The following CCDC86 variants were observed in gnomAD, a reference collection of about 807,000 sequenced individuals.
CCDC86 encodes the protein coiled-coil domain containing 86.
CCDC86 carries 28 observed loss-of-function variants against 36.7 expected under a neutral mutation model. The observed-to-expected ratio is 0.76, with a 90% CI of 0.57 to 1.05. The LOEUF is 1.05. Among genes scored for constraint, CCDC86 ranks in the 50% least tolerant of loss-of-function variants. The pLI, the probability that CCDC86 is intolerant of heterozygous loss-of-function variation, is 0.00. For missense variants in CCDC86, 453 were observed against 470.2 expected, an observed-to-expected ratio of 0.96 and a Z score of 0.34; for synonymous variants, 199 against 203.4, an observed-to-expected ratio of 0.98 and a Z score of 0.18.
intron 1 of CCDC86, among the ~76,000 whole-genome samples, chr11:60,843,593 A>G (rs1273632807): frequency 1.3e-5 from 2 of 152,232 alleles, no homozygotes; most frequent in African/African-American, 4.8e-5. Context: ...GGCAGGCACG[A>G]GATCTTTCTT....
intron 1 of CCDC86, among the ~76,000 whole-genome samples, chr11:60,847,069 CT>C (rs1007642059): frequency 4.6e-5 from 7 of 151,496 alleles, no homozygotes; most frequent in African/African-American, 1.5e-4. Flanking sequence ...GGAAGAGATT[CT>C]TTTTCTTTTT....
At chr11:60,849,272 T>A (rs1855223107) in intron 2 of CCDC86, among the ~76,000 whole-genome samples, 1 of 152,224 alleles carries the variant, frequency 6.6e-6, no homozygotes, top group African/African-American at 2.4e-5. Context: ...CTGCTCCAAG[T>A]CCTGCACGTG....
At position 60,850,580 on chromosome 11, in the gene CCDC86, CCTT is replaced by C. The variant is rs751367318; in HGVS notation, c.*258_*260del. ...TTCAGCTCCCATCCCTCCTTCCTCTCCTTCTCCAAGTGCCTTCAAACCAAGAAC... is the reference window on the plus strand; with the variant it reads ...TTCAGCTCCCATCCCTCCTTCCTCTCCTCCAAGTGCCTTCAAACCAAGAAC... On this transcript the variant is annotated 3_prime_UTR_variant, in exon 4 of 4. Transcript: ENST00000227520. 6 of 505,552 alleles carry C rather than the reference CCTT, an allele frequency of 1.2e-5. No individual in the cohort carries two copies. Among genetic ancestry groups the C allele is most frequent in the Non-Finnish European group, 2.1e-5 (6 of 285,294 alleles). The allele number at this position is 505,552 out of a possible 1,614,324, so 31.3% of individuals were successfully genotyped here.
chr11:60,848,146 G>C, intron 2 of CCDC86, 93 bp downstream of exon 2: 1 of 1,458,476 alleles, frequency 6.9e-7, no homozygotes, highest in East Asian at 2.5e-5. Flanking sequence ...CGGGTGCCTG[G>C]GGGAGGCCGA....
intron 2 of CCDC86, among the ~76,000 whole-genome samples, chr11:60,848,259 G>A (rs1855212661): frequency 7.0e-6 from 1 of 143,638 alleles, no homozygotes; most frequent in Non-Finnish European, 1.5e-5. Context: ...AGGCCCAGGG[G>A]ACCATACAGT....
rs542386913 is a variant in CCDC86 at position 60,845,007 on chromosome 11, G to A, written c.758+2125G>A. Among the ~76,000 whole-genome samples the A allele has an allele frequency of 6.6e-5, 10 of 152,350 alleles. No homozygotes were observed. The East Asian group carries it at 1.9e-3, about 29-fold the overall frequency. ...AAAGACTTCAAAGAAAAATAAACCA[G>A]GATGGGGACCAGAGAATAACAGGGA... On this transcript the variant is annotated intron_variant, in intron 1 of 3. Transcript: ENST00000227520.
rs1203218608 is a variant in CCDC86, at chr11:60,842,880, A to T, written c.756A>T (p.Lys252Asn). 1.9e-6 allele frequency: 3 copies of T among 1,559,626 alleles called. No individual in the cohort carries two copies. The South Asian group carries it at 3.6e-5, about 19-fold the overall frequency. Reference sequence around the variant, plus strand: ...GAGTGTGGAAGGACCGCTCCAAGAAAAGGTGAAGTGGGGGACAGCATGGAC... The same window carrying T: ...GAGTGTGGAAGGACCGCTCCAAGAATAGGTGAAGTGGGGGACAGCATGGAC... ...SGRVWKDRSK[K>N]RFSQMLQDKP... Residue 252 changes from lysine to asparagine, a missense_variant and splice_region_variant, in exon 1 of 4, where the codon AAA (lysine) becomes AAT (asparagine). Lys to Asn is a moderately conservative substitution (Grantham distance 94, BLOSUM62 0). Transcript: ENST00000227520.
In CCDC86 at chr11:60,842,615, A is replaced by G; in HGVS notation, c.491A>G (p.Tyr164Cys). The G allele has an allele frequency of 6.2e-7, 1 of 1,613,496 alleles. No individual in the cohort carries two copies. Among genetic ancestry groups the G allele is most frequent in the East Asian group, 2.2e-5 (1 of 44,858 alleles). Residue 164 changes from tyrosine to cysteine, a missense_variant, in exon 1 of 4, where the codon TAC (tyrosine) becomes TGC (cysteine). Physicochemically the swap from Tyr to Cys is radical, Grantham distance 194. Coordinates refer to ENST00000227520, the MANE Select transcript of CCDC86 (RefSeq NM_024098.4). ...LPPVPGSPEP[Y>C]PGQQAPGPEP... ...CCGGTCCCAGGATCACCAGAGCCTT[A>G]CCCCGGTCAGCAAGCTCCCGGTCCG...
rs561704179 is a variant in CCDC86, at chr11:60,845,826, A to G, written c.759-2098A>G. ...CAGGATGCTGAGACTTAGAGAGGCT[A>G]CCTTGCTCCAGGTCACCCAGGTTGG... is the stretch of plus-strand genomic sequence containing the variant. On this transcript the variant is annotated intron_variant, in intron 1 of 3. Coordinates refer to ENST00000227520, the MANE Select transcript of CCDC86 (RefSeq NM_024098.4). 2.6e-4 allele frequency among the ~76,000 whole-genome samples: 39 copies of G among 152,312 alleles called. No individual in the cohort carries two copies. In the South Asian group the frequency reaches 7.0e-3, roughly 28 times the overall value.
intron 2 of CCDC86, among the ~76,000 whole-genome samples, chr11:60,849,448 T>G (rs1855225263): frequency 6.6e-6 from 1 of 152,182 alleles, no homozygotes; most frequent in Non-Finnish European, 1.5e-5. Context: ...GCCTTTTCTG[T>G]GCAGTGCAGC....
intron 1 of CCDC86, among the ~76,000 whole-genome samples, chr11:60,844,764 C>A (rs577037343): frequency 2.0e-5 from 3 of 152,198 alleles, no homozygotes; most frequent in Non-Finnish European, 4.4e-5. Flanking sequence ...GGGGACTTAC[C>A]TATCATGACT....
rs1171604720 is a variant in CCDC86, at chr11:60,842,119, T to A, written c.-6T>A. 9.1e-6 allele frequency: 14 copies of A among 1,533,840 alleles called. No homozygotes were observed. The highest frequency in any genetic ancestry group is 1.2e-5 in the Non-Finnish European group (14 of 1,140,584). ...CGCAGGGGTGTGGAAACTTACCGGC[T>A]GAGCCATGGATACACCGTTAAGGCG... On this transcript the variant is annotated 5_prime_UTR_variant, in exon 1 of 4. Transcript: ENST00000227520.
In CCDC86 at chr11:60,850,493, T is replaced by C; in HGVS notation, c.*168T>C. The stretch of plus-strand genomic sequence containing the variant: ...CGGCCTTTGAAGGCTTCCAGGCAGG[T>C]CTGTGTGGGACAGAAGCCCAGAGGG... On this transcript the variant is annotated 3_prime_UTR_variant, in exon 4 of 4. Coordinates refer to ENST00000227520, the MANE Select transcript of CCDC86 (RefSeq NM_024098.4). 1.2e-6 allele frequency: 1 copy of C among 866,486 alleles called. No individual in the cohort carries two copies. The highest frequency in any genetic ancestry group is 1.8e-5 in the South Asian group (1 of 54,764). 53.7% of individuals were successfully genotyped at this position (866,486 alleles called of 1,614,324 possible).
chr11:60,842,893 G>C lies in CCDC86; in HGVS notation c.758+11G>C. The stretch of plus-strand genomic sequence containing the variant: ...CCGCTCCAAGAAAAGGTGAAGTGGG[G>C]GACAGCATGGACAGGGGTGGCGTTC... On this transcript the variant is annotated intron_variant, in intron 1 of 3. Transcript: ENST00000227520. The C allele has an allele frequency of 6.5e-6, 10 of 1,546,526 alleles. 1 individual carries two copies. In the South Asian group the frequency reaches 1.1e-4, roughly 17 times the overall value.
In CCDC86 at chr11:60,842,645, C is replaced by T. The variant is rs758112402; in HGVS notation, c.521C>T (p.Pro174Leu). The stretch of plus-strand genomic sequence containing the variant: ...GGTCAGCAAGCTCCCGGTCCGGAGC[C>T]CTCTCAGCCACTACTGGAGCTGACA... ...YPGQQAPGPE[P>L]SQPLLELTPR... Residue 174 changes from proline to leucine, a missense_variant, in exon 1 of 4, where the codon CCC becomes CTC. Coordinates refer to ENST00000227520, the MANE Select transcript of CCDC86 (RefSeq NM_024098.4). The T allele has an allele frequency of 6.2e-7, 1 of 1,613,872 alleles. No homozygotes were observed. Among genetic ancestry groups the T allele is most frequent in the Admixed American group, 1.7e-5 (1 of 60,032 alleles).
chr11:60,842,371 G>C lies in CCDC86; in HGVS notation c.247G>C (p.Gly83Arg). 1.2e-6 allele frequency: 2 copies of C among 1,613,942 alleles called. No individual in the cohort carries two copies. Among genetic ancestry groups the C allele is most frequent in the Non-Finnish European group, 1.7e-6 (2 of 1,180,008 alleles). ...GGGTGCAGGCTTGGAGTCACCCCAA[G>C]GGCAGCCAGAGCCAGGCGCAGCGTC... ...QQGAGLESPQ[G>R]QPEPGAASPQ... Residue 83 changes from glycine to arginine, a missense_variant, in exon 1 of 4, where the codon GGG becomes CGG. By Grantham distance (125) the Gly-to-Arg change is moderately radical. Transcript: ENST00000227520.
At position 60,847,971 on chromosome 11, in the gene CCDC86, G is replaced by T; in HGVS notation, c.806G>T (p.Arg269Leu). The change falls in exon 2 of 4, where the codon CGG becomes CTG. Residue 269 changes from arginine to leucine, a missense_variant. Transcript: ENST00000227520. The stretch of plus-strand genomic sequence containing the variant: ...AAGCCCCTGCGCACATCGTGGCAGC[G>T]GAAGATGAAGGAACGACAGGAGAGG... Reference protein sequence around the residue: ...QDKPLRTSWQRKMKERQERKL... With the variant: ...QDKPLRTSWQLKMKERQERKL... 1 of 1,613,538 alleles carries T rather than the reference G, an allele frequency of 6.2e-7. No homozygotes were observed. The highest frequency in any genetic ancestry group is 1.1e-5 in the South Asian group (1 of 91,018).
Position 60,850,252 on chromosome 11 carries a change from G to A in CCDC86, c.1010G>A (p.Arg337His), listed in dbSNP as rs573397831. The change falls in exon 4 of 4, where the codon CGC becomes CAC. Residue 337 changes from arginine to histidine, a missense_variant. Arg to His is a conservative substitution (Grantham distance 29, BLOSUM62 0). Coordinates refer to ENST00000227520, the MANE Select transcript of CCDC86 (RefSeq NM_024098.4). Reference sequence around the variant, plus strand: ...AAGCGGGCAAAGAAGAAGCAGCTGCGCTCCATTGAGAAGCGGGACACCCTG... The same window carrying A: ...AAGCGGGCAAAGAAGAAGCAGCTGCACTCCATTGAGAAGCGGGACACCCTG... The part of the protein sequence containing the change: ...KLKRAKKKQL[R>H]SIEKRDTLAL... 2.5e-5 allele frequency: 40 copies of A among 1,614,208 alleles called. No homozygotes were observed. The highest frequency in any genetic ancestry group is 1.1e-4 in the South Asian group (10 of 91,090).
In CCDC86 at chr11:60,848,992, CG is replaced by C. The variant is rs1242626784; in HGVS notation, c.888+941del. 5.9e-5 allele frequency among the ~76,000 whole-genome samples: 9 copies of C among 152,306 alleles called. No homozygotes were observed. In the South Asian group the frequency reaches 1.0e-3, roughly 18 times the overall value. On this transcript the variant is annotated intron_variant, in intron 2 of 3. Coordinates refer to ENST00000227520, the MANE Select transcript of CCDC86 (RefSeq NM_024098.4). ...CCGTCTCACTTCTCACCGTCCACTGCGGAGGTGCTCCTGCCCAGCCCCCAGC... is the reference window on the plus strand; with the variant it reads ...CCGTCTCACTTCTCACCGTCCACTGCGAGGTGCTCCTGCCCAGCCCCCAGC...
Sources: gnomAD v4.1 joint callset for allele counts (sites outside exome capture counted in the v4.1 genomes callset) on GRCh38, gnomAD v4.1.1 for gene constraint, MANE v1.5 for transcripts, NCBI Gene and HGNC (gene_info 2026-07-23, HGNC 2026-07-21) for gene names.